Variants in FAM3D observed in about 807,000 individuals in gnomAD.
The protein encoded by FAM3D is FAM3 metabolism regulating signaling molecule D.
A neutral mutation model predicts 29.8 loss-of-function variants in FAM3D; 26 were observed. That is an observed-to-expected ratio of 0.87 (90% CI 0.64 to 1.21). FAM3D has a LOEUF of 1.21. Among genes scored for constraint, FAM3D ranks in the 50% most tolerant of loss-of-function variants. FAM3D has a pLI of 0.00. For synonymous variants in FAM3D, 115 were observed against 102.3 expected (o/e 1.12, Z -0.75); for missense variants, 253 against 290.9 (o/e 0.87, Z 0.95).
At position 58,653,777 on chromosome 3, in the gene FAM3D, C is replaced by G; in HGVS notation, c.18G>C (p.Val6=). 1 of 1,613,338 alleles carries G rather than the reference C, an allele frequency of 6.2e-7. No individual in the cohort carries two copies. The highest frequency in any genetic ancestry group is 8.5e-7 in the Non-Finnish European group (1 of 1,179,844). Residue 6 remains valine (V), a synonymous_variant, in exon 3 of 10, where the codon GTG becomes GTC. Coordinates refer to ENST00000358781, the MANE Select transcript of FAM3D (RefSeq NM_138805.3). MRVSG[V]LRLLALIFAI... ...CAAAGATGAGGGCCAGGAGGCGAAG[C>G]ACACCTGCTGAGCAAGGGGATGCTG...
intron 1 of FAM3D, among the ~76,000 whole-genome samples, chr3:58,656,109 C>G (rs1402849625): frequency 1.3e-5 from 2 of 152,100 alleles, no homozygotes; most frequent in African/African-American, 4.8e-5. Flanking sequence ...ACCAGCCAGC[C>G]AGGGAGGTTG....
At chr3:58,662,795 C>G (rs2066956889) in intron 1 of FAM3D, among the ~76,000 whole-genome samples, 1 of 152,230 alleles carries the variant, frequency 6.6e-6, no homozygotes, top group African/African-American at 2.4e-5. Flanking sequence ...CCAGGGGTGA[C>G]TCTGTGGTCC....
chr3:58,653,057 T>C (rs1054899081), intron 3 of FAM3D, among the ~76,000 whole-genome samples: 1 of 151,258 alleles, frequency 6.6e-6, no homozygotes, highest in Non-Finnish European at 1.5e-5. Context: ...GCACACAAAA[T>C]AAAATCCTTG....
chr3:58,637,709 C>T lies in FAM3D; in HGVS notation c.374-484G>A, dbSNP rs191009214. Among the ~76,000 whole-genome samples, 17 of 152,208 alleles carry T rather than the reference C, an allele frequency of 1.1e-4. No homozygotes were observed. The East Asian group carries it at 3.3e-3, about 29-fold the overall frequency. ...ATCCCTGGGAGAGAATTCGAGTAGA[C>T]TATGAATACAACTCTCCTGCTGTGT... On this transcript the variant is annotated intron_variant, in intron 7 of 9. Coordinates refer to ENST00000358781, the MANE Select transcript of FAM3D (RefSeq NM_138805.3).
intron 1 of FAM3D, among the ~76,000 whole-genome samples, chr3:58,658,726 T>C (rs569740925): frequency 2.6e-5 from 4 of 152,052 alleles, no homozygotes; most frequent in Non-Finnish European, 4.4e-5. Context: ...GGTTCAGGAG[T>C]GAGCATGTGA....
intron 7 of FAM3D, among the ~76,000 whole-genome samples, chr3:58,639,808 G>C (rs1224851319): frequency 2.6e-5 from 4 of 152,170 alleles, no homozygotes; most frequent in African/African-American, 9.7e-5. Flanking sequence ...GGAGGGCCGG[G>C]TGGGGTCTTA....
chr3:58,636,492 T>C, intron 8 of FAM3D, 72 bp from the exon 9 acceptor site: 2 of 1,579,110 alleles, frequency 1.3e-6, no homozygotes, highest in Non-Finnish European at 1.7e-6. Flanking sequence ...GGGATTCCCA[T>C]GGGGCAAGGT....
In FAM3D at chr3:58,636,477, G is replaced by A. The variant is rs2066176399; in HGVS notation, c.459-57C>T. On this transcript the variant is annotated intron_variant, in intron 8 of 9. Coordinates refer to ENST00000358781, the MANE Select transcript of FAM3D (RefSeq NM_138805.3). ...CGGGGGTGGGTCGCAGGGGCATCAG[G>A]TGGTGGGATTCCCATGGGGCAAGGT... The A allele has an allele frequency of 4.4e-6, 7 of 1,597,372 alleles. No homozygotes were observed. The South Asian group carries it at 5.6e-5, about 13-fold the overall frequency.
At chr3:58,639,516 C>T (rs2066268216) in intron 7 of FAM3D, among the ~76,000 whole-genome samples, 1 of 152,192 alleles carries the variant, frequency 6.6e-6, no homozygotes, top group Non-Finnish European at 1.5e-5. Flanking sequence ...CTGGCCTGTC[C>T]CCATCTCCTG....
chr3:58,659,813 C>G (rs2066897844), intron 1 of FAM3D, among the ~76,000 whole-genome samples: 1 of 152,072 alleles, frequency 6.6e-6, no homozygotes, highest in African/African-American at 2.4e-5. Context: ...CACCTCATTA[C>G]TAACATTTTT....
At chr3:58,650,917 C>A (rs2066618885) in intron 3 of FAM3D, among the ~76,000 whole-genome samples, 1 of 152,156 alleles carries the variant, frequency 6.6e-6, no homozygotes. Context: ...TGGGGTTTCA[C>A]CGTGTTAGCC....
intron 3 of FAM3D, 64 bp downstream of exon 3, chr3:58,653,610 G>T: frequency 2.7e-6 from 4 of 1,459,038 alleles, no homozygotes; most frequent in South Asian, 1.1e-5. Context: ...ATGGAGGGAA[G>T]AATATGTCTT....
chr3:58,641,441 A>G (rs1487553090), intron 6 of FAM3D, among the ~76,000 whole-genome samples: 1 of 151,712 alleles, frequency 6.6e-6, no homozygotes, highest in East Asian at 1.9e-4. Flanking sequence ...GCTGACTGCA[A>G]CCTCGACCTC....
Position 58,643,559 on chromosome 3 carries a change from A to G in FAM3D, c.322+103T>C, listed in dbSNP as rs999004384. ...CCTGAGCTCTACGGGCATTCCTGCC[A>G]TGAGGTAGGAGCTGAGCCAATGTTG... On this transcript the variant is annotated intron_variant, in intron 6 of 9. Transcript: ENST00000358781. The G allele has an allele frequency of 5.7e-6, 7 of 1,236,992 alleles. No homozygotes were observed. In the South Asian group the frequency reaches 6.1e-5, roughly 11 times the overall value. The allele number at this position is 1,236,992 out of a possible 1,614,324, so 76.6% of individuals were successfully genotyped here.
chr3:58,655,574 TG>T lies in FAM3D; in HGVS notation c.-12del, dbSNP rs748179637. The T allele has an allele frequency of 5.3e-5, 86 of 1,613,020 alleles. No homozygotes were observed. The highest frequency in any genetic ancestry group is 6.9e-5 in the Non-Finnish European group (81 of 1,179,544). ...ACCTGACACTCTCATCCTGTCCAGG[TG>T]AAGGGTGGCTTGGGGTCAGCTTCCA... On this transcript the variant is annotated 5_prime_UTR_variant, in exon 2 of 10. Coordinates refer to ENST00000358781, the MANE Select transcript of FAM3D (RefSeq NM_138805.3).
intron 6 of FAM3D, among the ~76,000 whole-genome samples, chr3:58,640,907 C>T (rs1189476635): frequency 1.3e-5 from 2 of 152,206 alleles, no homozygotes; most frequent in Non-Finnish European, 2.9e-5. Context: ...CTTAGCAGCC[C>T]CTCCAGGATT....
At position 58,633,954 on chromosome 3, in the gene FAM3D, C is replaced by G. The variant is rs1490629743; in HGVS notation, c.*325G>C. 1 of 282,420 alleles carries G rather than the reference C, an allele frequency of 3.5e-6. No individual in the cohort carries two copies. The highest frequency in any genetic ancestry group is 2.2e-5 in the African/African-American group (1 of 44,850). 17.5% of individuals were successfully genotyped at this position (282,420 alleles called of 1,614,324 possible). ...AGTGGTCAGAAAGCTCATTCAAAAC[C>G]AGCAAAAATAAAATTTAATTGGGCT... On this transcript the variant is annotated 3_prime_UTR_variant, in exon 10 of 10. Coordinates refer to ENST00000358781, the MANE Select transcript of FAM3D (RefSeq NM_138805.3).
intron 3 of FAM3D, among the ~76,000 whole-genome samples, chr3:58,653,260 G>A (rs1301277119): frequency 6.6e-6 from 1 of 152,214 alleles, no homozygotes; most frequent in Admixed American, 6.5e-5. Flanking sequence ...AGCCAGGTGG[G>A]AGGGCAGGTG....
At chr3:58,653,344 C>A (rs958084621) in intron 3 of FAM3D, among the ~76,000 whole-genome samples, 1 of 152,180 alleles carries the variant, frequency 6.6e-6, no homozygotes, top group Non-Finnish European at 1.5e-5. Context: ...ATATGATTTT[C>A]TTTCTTCCTT....
Sources: allele counts gnomAD v4.1 joint callset (sites outside exome capture counted in the v4.1 genomes callset), GRCh38; gene constraint gnomAD v4.1.1; transcripts MANE v1.5; gene names NCBI Gene and HGNC (gene_info 2026-07-23, HGNC 2026-07-21).